Variants in PARD3B observed in about 807,000 individuals in gnomAD.
PARD3B encodes partitioning defective 3 homolog B.
PARD3B carries 103 observed loss-of-function variants against 130.2 expected under a neutral mutation model. The ratio of observed to expected loss-of-function variants is 0.79; its 90% CI spans 0.67 to 0.93. The LOEUF (loss-of-function observed/expected upper bound fraction) is 0.93. Ranked by LOEUF, PARD3B falls within the 40% of genes least tolerant of loss-of-function variation. The pLI, the probability that PARD3B is intolerant of heterozygous loss-of-function variation, is 0.00. For synonymous variants in PARD3B, 583 were observed against 553.2 expected (o/e 1.05, Z -0.76); for missense variants, 1,609 against 1,499.2 (o/e 1.07, Z -1.21).
At chr2:204,734,465 A>G (rs1393386597) in intron 2 of PARD3B, among the ~76,000 whole-genome samples, 2 of 152,170 alleles carry the variant, frequency 1.3e-5, no homozygotes, top group Middle Eastern at 3.2e-3. Context: ...TGTTCACAGC[A>G]ACTTTGTTCA....
At chr2:205,295,923 TTTAA>T (rs1440362738) in intron 16 of PARD3B, among the ~76,000 whole-genome samples, 1 of 152,074 alleles carries the variant, frequency 6.6e-6, no homozygotes, top group Admixed American at 6.6e-5. Context: ...ATTTCAGGAG[TTTAA>T]TTGTTTTAAA....
intron 2 of PARD3B, among the ~76,000 whole-genome samples, chr2:204,786,939 G>A (rs1007681661): frequency 7.9e-5 from 12 of 151,948 alleles, no homozygotes; most frequent in Non-Finnish European, 1.5e-4. Flanking sequence ...GAATAATCGT[G>A]ACTTAAAGAC....
At chr2:204,639,278 T>G (rs2125150989) in intron 1 of PARD3B, among the ~76,000 whole-genome samples, 1 of 152,326 alleles carries the variant, frequency 6.6e-6, no homozygotes, top group East Asian at 1.9e-4. Flanking sequence ...CTAGGTATTC[T>G]TATTAGTTAA....
chr2:204,754,290 A>G (rs2040579507), intron 2 of PARD3B, among the ~76,000 whole-genome samples: 1 of 152,322 alleles, frequency 6.6e-6, no homozygotes, highest in East Asian at 1.9e-4. Flanking sequence ...TGAAATGTTA[A>G]TTATTATGAC....
chr2:204,813,108 A>G (rs1382786306), intron 2 of PARD3B, among the ~76,000 whole-genome samples: 1 of 152,214 alleles, frequency 6.6e-6, no homozygotes, highest in Non-Finnish European at 1.5e-5. Context: ...TCATATGATC[A>G]GTGTATATTT....
At chr2:204,825,977 C>G (rs937830396) in intron 2 of PARD3B, among the ~76,000 whole-genome samples, 2 of 152,178 alleles carry the variant, frequency 1.3e-5, no homozygotes, top group Admixed American at 1.3e-4. Context: ...AAAGGCTCAA[C>G]CTCCTTCGTA....
chr2:205,470,274 T>G lies in PARD3B; in HGVS notation c.3044+29602T>G, dbSNP rs2106254484. Among the ~76,000 whole-genome samples, 1 of 152,352 alleles carries G rather than the reference T, an allele frequency of 6.6e-6. No homozygotes were observed. On this transcript the variant is annotated intron_variant, in intron 20 of 22. Coordinates refer to ENST00000406610, the MANE Select transcript of PARD3B (RefSeq NM_001302769.2). This position sits in a 1 kb window ranked among gnomAD's most constrained non-coding sequence, Gnocchi z 4.8. ...CCTCCCAGCAGTGCCCTAGCCTTTCTCATTCCTCTTCAAAGTAGCTTTCAC... is the reference window on the plus strand; with the variant it reads ...CCTCCCAGCAGTGCCCTAGCCTTTCGCATTCCTCTTCAAAGTAGCTTTCAC...
At position 205,519,841 on chromosome 2, in the gene PARD3B, A is replaced by G. The variant is rs1486959263; in HGVS notation, c.3180+19810A>G. On this transcript the variant is annotated intron_variant, in intron 21 of 22. Transcript: ENST00000406610. ...CTTATCTCTGGTTTCAGAGGTGGGTATGTTAGCAGGGCATTTTTGGTGTTG... is the reference window on the plus strand; with the variant it reads ...CTTATCTCTGGTTTCAGAGGTGGGTGTGTTAGCAGGGCATTTTTGGTGTTG... Among the ~76,000 whole-genome samples, 3 of 152,130 alleles carry G rather than the reference A, an allele frequency of 2.0e-5. No homozygotes were observed. The East Asian group carries it at 5.8e-4, about 29-fold the overall frequency.
In PARD3B at chr2:204,906,518, G is replaced by C. The variant is rs2047048354; in HGVS notation, c.223-58634G>C. ...TATTATTAACTAGAGAACACATGGTGTTTGGACTGTTATTGTTAATCATTT... is the reference window on the plus strand; with the variant it reads ...TATTATTAACTAGAGAACACATGGTCTTTGGACTGTTATTGTTAATCATTT... On this transcript the variant is annotated intron_variant, in intron 2 of 22. Coordinates refer to ENST00000406610, the MANE Select transcript of PARD3B (RefSeq NM_001302769.2). The surrounding 1 kb of genome is among the most constrained non-coding windows in gnomAD (Gnocchi z 4.3). 6.6e-6 allele frequency among the ~76,000 whole-genome samples: 1 copy of C among 152,158 alleles called. No homozygotes were observed.
At position 205,619,845 on chromosome 2, in the gene PARD3B, T is replaced by C. The variant is rs547729940; in HGVS notation, c.*4032T>C. ...AGACTCTTCTAACCTGTCTCCTGAC[T>C]GGGCTCCTTCAGAAAGTGTTCTCCT... On this transcript the variant is annotated 3_prime_UTR_variant, in exon 23 of 23. Coordinates refer to ENST00000406610, the MANE Select transcript of PARD3B (RefSeq NM_001302769.2). 1 of 152,316 alleles carries C rather than the reference T, an allele frequency of 6.6e-6. No homozygotes were observed. The highest frequency in any genetic ancestry group is 1.9e-4 in the East Asian group (1 of 5,168). 9.4% of individuals were successfully genotyped at this position (152,316 alleles called of 1,614,324 possible). A position where few individuals can be genotyped will look rare whatever the true frequency, so the allele number is the denominator to read the frequency against.
chr2:205,156,793 ATTCTT>A (rs2034200029), intron 10 of PARD3B, among the ~76,000 whole-genome samples: 2 of 152,184 alleles, frequency 1.3e-5, no homozygotes, highest in Non-Finnish European at 2.9e-5. Flanking sequence ...TTTCTGTTGT[ATTCTT>A]GAATCTCAGA....
At chr2:205,512,615 T>C (rs1051607146) in intron 21 of PARD3B, among the ~76,000 whole-genome samples, 1 of 152,188 alleles carries the variant, frequency 6.6e-6, no homozygotes, top group Non-Finnish European at 1.5e-5. Flanking sequence ...AATTTATGAA[T>C]GCCTAGGAAA....
At chr2:205,243,847 A>G (rs752413936) in intron 15 of PARD3B, among the ~76,000 whole-genome samples, 7 of 152,222 alleles carry the variant, frequency 4.6e-5, no homozygotes, top group Non-Finnish European at 1.0e-4. Context: ...AATCGAATGA[A>G]TGAATAGATA....
intron 1 of PARD3B, among the ~76,000 whole-genome samples, chr2:204,667,672 T>C (rs532282675): frequency 1.2e-4 from 19 of 152,268 alleles, no homozygotes; most frequent in Non-Finnish European, 2.6e-4. Flanking sequence ...ATGTGTGTGC[T>C]TGTGTGTGTG....
chr2:204,952,530 T>C (rs1689863048), intron 2 of PARD3B, among the ~76,000 whole-genome samples: 1 of 151,934 alleles, frequency 6.6e-6, no homozygotes, highest in Non-Finnish European at 1.5e-5. Flanking sequence ...TAAACAAAAT[T>C]GAAAGGTAAA....
intron 18 of PARD3B, among the ~76,000 whole-genome samples, chr2:205,317,371 A>G (rs1458935475): frequency 1.3e-5 from 2 of 152,196 alleles, no homozygotes; most frequent in Non-Finnish European, 2.9e-5. Flanking sequence ...GCTAAAATAG[A>G]ATGGGATTGG....
At chr2:205,278,354 A>AT (rs1158184393) in intron 16 of PARD3B, among the ~76,000 whole-genome samples, 1 of 152,138 alleles carries the variant, frequency 6.6e-6, no homozygotes. Flanking sequence ...CAGTGAATAG[A>AT]TTTTCAAGAT....
rs76486257 is a variant in PARD3B at position 204,707,011 on chromosome 2, G to A, written c.222+20729G>A. On this transcript the variant is annotated intron_variant, in intron 2 of 22. Transcript: ENST00000406610. ...CAATTTGCATGGCCTGTTTTTGTTT[G>A]CAGGAATGACTGAGATGAATGAAAT... 8.5e-3 allele frequency among the ~76,000 whole-genome samples: 1,294 copies of A among 152,304 alleles called. 10 individuals carry two copies. The highest frequency in any genetic ancestry group is 0.028 in the African/African-American group (1,177 of 41,560).
At chr2:204,790,921 A>G (rs538901553) in intron 2 of PARD3B, among the ~76,000 whole-genome samples, 5 of 152,012 alleles carry the variant, frequency 3.3e-5, no homozygotes, top group Admixed American at 2.6e-4. Context: ...CCGGGCCAAC[A>G]TGGTGAAACC....
Sources: allele counts gnomAD v4.1 joint callset (sites outside exome capture counted in the v4.1 genomes callset), GRCh38; gene constraint gnomAD v4.1.1; non-coding constraint Gnocchi (gnomAD v3.1); transcripts MANE v1.5; gene names NCBI Gene and HGNC (gene_info 2026-07-23, HGNC 2026-07-21).